Variants in PARD3 observed in about 807,000 individuals in gnomAD.
PARD3 encodes partitioning defective 3 homolog.
A neutral mutation model predicts 155.4 loss-of-function variants in PARD3; 75 were observed. The observed-to-expected ratio is 0.48, with a 90% confidence interval of 0.40 to 0.58. The LOEUF is 0.58. Ranked by LOEUF, PARD3 falls within the 20% of genes least tolerant of loss-of-function variation. The pLI, the probability that PARD3 is intolerant of heterozygous loss-of-function variation, is 0.00. For missense variants in PARD3, 1,642 were observed against 1,721.7 expected (o/e 0.95, Z 0.82); for synonymous variants, 576 against 610.5 (o/e 0.94, Z 0.83).
intron 2 of PARD3, among the ~76,000 whole-genome samples, chr10:34,570,914 G>T (rs2086339174): frequency 1.3e-5 from 2 of 152,180 alleles, no homozygotes; most frequent in South Asian, 4.1e-4. Context: ...CCACATTCTT[G>T]TAAGTGTCAA....
At chr10:34,348,474 G>A (rs181880362) in intron 14 of PARD3, among the ~76,000 whole-genome samples, 2 of 152,254 alleles carry the variant, frequency 1.3e-5, no homozygotes, top group East Asian at 3.9e-4. Context: ...TTTACTAGAT[G>A]TTACTCTATA....
chr10:34,245,695 C>T (rs1588918180), intron 22 of PARD3, among the ~76,000 whole-genome samples: 1 of 152,106 alleles, frequency 6.6e-6, no homozygotes, highest in Non-Finnish European at 1.5e-5. Flanking sequence ...GGTATGAGGG[C>T]TAAGGACGGA....
chr10:34,774,106 G>C (rs1048701217), intron 1 of PARD3, among the ~76,000 whole-genome samples: 2 of 152,060 alleles, frequency 1.3e-5, no homozygotes, highest in Admixed American at 1.3e-4. Flanking sequence ...GTAAACAGAG[G>C]GGAGAAAATA....
intron 22 of PARD3, among the ~76,000 whole-genome samples, chr10:34,204,811 G>C (rs1951392286): frequency 6.6e-6 from 1 of 152,164 alleles, no homozygotes; most frequent in Non-Finnish European, 1.5e-5. Flanking sequence ...GGGCTCATAA[G>C]CAGAAATGTG....
intron 22 of PARD3, among the ~76,000 whole-genome samples, chr10:34,250,781 C>T (rs956202026): frequency 5.9e-5 from 9 of 151,964 alleles, no homozygotes; most frequent in African/African-American, 2.2e-4. Context: ...TATAATGATA[C>T]AAGGCATTTA....
intron 2 of PARD3, among the ~76,000 whole-genome samples, chr10:34,685,752 C>T (rs1330647356): frequency 6.6e-6 from 1 of 152,050 alleles, no homozygotes; most frequent in Non-Finnish European, 1.5e-5. Context: ...CATGACCAAA[C>T]CTGGCTAATT....
chr10:34,596,359 G>A (rs573398674), intron 2 of PARD3, among the ~76,000 whole-genome samples: 2 of 152,062 alleles, frequency 1.3e-5, no homozygotes, highest in African/African-American at 4.8e-5. Context: ...CTGTTATGAA[G>A]AAATACCTGA....
chr10:34,117,232 C>T (rs1946725970), intron 24 of PARD3, among the ~76,000 whole-genome samples: 2 of 152,202 alleles, frequency 1.3e-5, no homozygotes, highest in African/African-American at 4.8e-5. Flanking sequence ...GAGACACTCT[C>T]AGGCACGGCC....
chr10:34,309,758 G>GGC (rs567831015), intron 20 of PARD3, among the ~76,000 whole-genome samples: 1 of 53,548 alleles, frequency 1.9e-5, no homozygotes, highest in Non-Finnish European at 4.4e-5. Context: ...CCACCCCCCC[G>GGC]CCCCCCCAAG....
intron 24 of PARD3, among the ~76,000 whole-genome samples, chr10:34,112,497 TGCCC>T (rs1946436932): frequency 6.6e-6 from 1 of 152,244 alleles, no homozygotes; most frequent in Non-Finnish European, 1.5e-5. Context: ...AAGGAAGACA[TGCCC>T]TAATTTTTTT....
intron 22 of PARD3, among the ~76,000 whole-genome samples, chr10:34,176,985 G>A (rs1318119112): frequency 5.3e-5 from 8 of 151,754 alleles, no homozygotes; most frequent in African/African-American, 1.7e-4. Context: ...GTATGTGTGT[G>A]TGTCGGGGTG....
chr10:34,496,726 A>G (rs1398745337), intron 3 of PARD3, among the ~76,000 whole-genome samples: 1 of 152,224 alleles, frequency 6.6e-6, no homozygotes, highest in Non-Finnish European at 1.5e-5. Flanking sequence ...ATAGACTAAA[A>G]GAATCCGAAG....
chr10:34,247,810 T>C (rs998218210), intron 22 of PARD3, among the ~76,000 whole-genome samples: 2 of 152,342 alleles, frequency 1.3e-5, no homozygotes, highest in Middle Eastern at 3.4e-3. Flanking sequence ...TTGGACCTTT[T>C]GTTAATAATC....
At chr10:34,405,010 G>A (rs1844287141) in intron 5 of PARD3, among the ~76,000 whole-genome samples, 1 of 151,732 alleles carries the variant, frequency 6.6e-6, no homozygotes, top group African/African-American at 2.4e-5. Flanking sequence ...CAAGGCTGCA[G>A]TAAGCTATGA....
At chr10:34,372,597 G>A (rs1462438959) in intron 11 of PARD3, 61 bp from the exon 12 acceptor site, 3 of 1,134,048 alleles carry the variant, frequency 2.6e-6, no homozygotes, top group Non-Finnish European at 4.0e-6. Context: ...AACACACAGG[G>A]ACACAATGAT....
intron 2 of PARD3, among the ~76,000 whole-genome samples, chr10:34,663,079 A>G (rs2093364806): frequency 6.6e-6 from 1 of 152,138 alleles, no homozygotes; most frequent in South Asian, 2.1e-4. Context: ...AATGAGTACA[A>G]AAATACAGTT....
At chr10:34,573,729 AAACAAAAACAC>A (rs1564367641) in intron 2 of PARD3, among the ~76,000 whole-genome samples, 69 of 90,486 alleles carry the variant, frequency 7.6e-4, no homozygotes, top group African/African-American at 2.8e-3. Context: ...ACAAACAAAC[AAACAAAAACAC>A]ACACACACAC....
intron 2 of PARD3, among the ~76,000 whole-genome samples, chr10:34,641,874 T>A (rs2092689258): frequency 6.6e-6 from 1 of 152,068 alleles, no homozygotes; most frequent in South Asian, 2.1e-4. Flanking sequence ...GAAGGGAGCG[T>A]GGAGGAGGGC....
intron 1 of PARD3, among the ~76,000 whole-genome samples, chr10:34,712,968 G>T (rs2094468732): frequency 6.6e-6 from 1 of 152,168 alleles, no homozygotes; most frequent in Admixed American, 6.5e-5. Flanking sequence ...CAGCACTTTG[G>T]GAGGCCAAGG....
Sources: gnomAD v4.1 joint callset for allele counts (sites outside exome capture counted in the v4.1 genomes callset) on GRCh38, gnomAD v4.1.1 for gene constraint, MANE v1.5 for transcripts, NCBI Gene and HGNC (gene_info 2026-07-23, HGNC 2026-07-21) for gene names.